The following HDAC9 variants were observed in gnomAD, a reference collection of about 807,000 sequenced individuals.
HDAC9 encodes MEF-2 interacting transcription repressor (MITR) protein.
HDAC9 carries 41 observed loss-of-function variants against 139.4 expected under a neutral mutation model. The ratio of observed to expected loss-of-function variants is 0.29; its 90% CI spans 0.23 to 0.38. The LOEUF (loss-of-function observed/expected upper bound fraction) is 0.38. Among genes scored for constraint, HDAC9 ranks in the 10% least tolerant of loss-of-function variants. The pLI is 1.00. For synonymous variants in HDAC9, 517 were observed against 476.2 expected (o/e 1.09, Z -1.12); for missense variants, 1,147 against 1,297.0 (o/e 0.88, Z 1.78).
intron 19 of HDAC9, among the ~76,000 whole-genome samples, chr7:18,830,140 T>C (rs1260739156): frequency 6.6e-6 from 1 of 152,224 alleles, no homozygotes; most frequent in Non-Finnish European, 1.5e-5. Context: ...AGAATTTGTC[T>C]AACAAATGGT....
intron 2 of HDAC9, among the ~76,000 whole-genome samples, chr7:18,280,877 A>G: frequency 6.6e-6 from 1 of 152,286 alleles, no homozygotes; most frequent in South Asian, 2.1e-4. Flanking sequence ...TTTAGGCATT[A>G]TTTATCATGA....
chr7:18,951,288 A>G (rs1782777588), intron 23 of HDAC9, among the ~76,000 whole-genome samples: 1 of 151,942 alleles, frequency 6.6e-6, no homozygotes, highest in African/African-American at 2.4e-5. Context: ...ATGCCAATAC[A>G]TTATCACAAC....
At chr7:18,972,151 T>G (rs1784278275) in intron 24 of HDAC9, among the ~76,000 whole-genome samples, 1 of 152,144 alleles carries the variant, frequency 6.6e-6, no homozygotes, top group South Asian at 2.1e-4. Flanking sequence ...CATAGCAAAT[T>G]TATTGTAACA....
At chr7:18,808,759 G>T (rs1188744749) in intron 17 of HDAC9, among the ~76,000 whole-genome samples, 1 of 151,680 alleles carries the variant, frequency 6.6e-6, no homozygotes, top group Non-Finnish European at 1.5e-5. Context: ...AAATTTCAAT[G>T]ACATTTTTCA....
At chr7:18,468,348 A>G (rs1489250665) in intron 1 of HDAC9, among the ~76,000 whole-genome samples, 4 of 152,060 alleles carry the variant, frequency 2.6e-5, no homozygotes, top group African/African-American at 9.7e-5. Flanking sequence ...GGACACATGG[A>G]TATTTATTTT....
chr7:18,940,423 A>C (rs1321752340), intron 23 of HDAC9, among the ~76,000 whole-genome samples: 4 of 152,152 alleles, frequency 2.6e-5, no homozygotes, highest in Non-Finnish European at 5.9e-5. Context: ...GACATACCAG[A>C]AGTCCATTTT....
At chr7:18,634,371 T>C (rs1475083486) in intron 7 of HDAC9, among the ~76,000 whole-genome samples, 1 of 151,464 alleles carries the variant, frequency 6.6e-6, no homozygotes, top group African/African-American at 2.4e-5. Flanking sequence ...CCTGTGACCC[T>C]CTCTAACTGG....
intron 1 of HDAC9, among the ~76,000 whole-genome samples, chr7:18,302,678 G>A (rs1042121695): frequency 6.6e-6 from 1 of 152,132 alleles, no homozygotes; most frequent in Non-Finnish European, 1.5e-5. Flanking sequence ...TCATCTAAAT[G>A]TCTAGTCTGT....
At chr7:18,636,400 T>C (rs1176708975) in intron 8 of HDAC9, among the ~76,000 whole-genome samples, 1 of 137,944 alleles carries the variant, frequency 7.2e-6, no homozygotes, top group Non-Finnish European at 1.6e-5. Flanking sequence ...GCCCAAATCA[T>C]ATAACCTCAA....
At chr7:18,946,155 C>T (rs1782390744) in intron 23 of HDAC9, among the ~76,000 whole-genome samples, 2 of 142,998 alleles carry the variant, frequency 1.4e-5, no homozygotes, top group African/African-American at 2.5e-5. Flanking sequence ...ACAGGTTTCT[C>T]TCTTTTTATG....
intron 1 of HDAC9, among the ~76,000 whole-genome samples, chr7:18,468,062 C>T (rs1794428983): frequency 6.6e-6 from 1 of 152,132 alleles, no homozygotes; most frequent in Non-Finnish European, 1.5e-5. Context: ...TCAAATGATG[C>T]AGAGGGTACA....
At chr7:18,850,081 T>TAAAAAAAAAAAAAAAA (rs11327408) in intron 21 of HDAC9, among the ~76,000 whole-genome samples, 7 of 82,304 alleles carry the variant, frequency 8.5e-5, no homozygotes, top group East Asian at 7.3e-4. Context: ...AAAGCCTGAG[T>TAAAAAAAAAAAAAAAA]AAAAAAAAAA....
chr7:18,591,376 T>G, intron 4 of HDAC9, 140 bp from the exon 5 acceptor site: 2 of 1,214,486 alleles, frequency 1.6e-6, no homozygotes, highest in Non-Finnish European at 2.1e-6. Flanking sequence ...AGGAAAACTT[T>G]ATGTGCTGTG....
chr7:18,547,857 T>TTCCTTCCTTCCTTCCCTCCCTCCC (rs1563229989), intron 2 of HDAC9, among the ~76,000 whole-genome samples: 6 of 118,456 alleles, frequency 5.1e-5, no homozygotes, highest in African/African-American at 2.4e-4. Context: ...CCTTCCTTCC[T>TTCCTTCCTTCCTTCCCTCCCTCCC]ACCCTCCCTC....
At chr7:18,757,275 T>G (rs910395330) in intron 14 of HDAC9, among the ~76,000 whole-genome samples, 5 of 152,176 alleles carry the variant, frequency 3.3e-5, no homozygotes, top group African/African-American at 9.7e-5. Context: ...TCCCTTTATT[T>G]AGAGACAATG....
At chr7:18,719,331 CTTTTTTTTTTTTTT>C (rs757689693) in intron 12 of HDAC9, among the ~76,000 whole-genome samples, 1 of 73,914 alleles carries the variant, frequency 1.4e-5, no homozygotes, top group African/African-American at 6.6e-5. Flanking sequence ...TTTTCTCTTC[CTTTTTTTTTTTTTT>C]TTTTTTTTTT....
chr7:18,174,240 C>T (rs1425227885), intron 2 of HDAC9, among the ~76,000 whole-genome samples: 2 of 152,134 alleles, frequency 1.3e-5, no homozygotes, highest in African/African-American at 2.4e-5. Context: ...TTGATCGAAT[C>T]GGCTATTGAA....
intron 24 of HDAC9, among the ~76,000 whole-genome samples, chr7:18,965,312 T>C (rs537385096): frequency 6.6e-6 from 1 of 152,348 alleles, no homozygotes; most frequent in African/African-American, 2.4e-5. Context: ...AAAGGTTGGT[T>C]TCTAATGCAA....
chr7:18,147,609 T>A (rs1236541322), intron 1 of HDAC9, among the ~76,000 whole-genome samples: 1 of 151,524 alleles, frequency 6.6e-6, no homozygotes, highest in Non-Finnish European at 1.5e-5. Context: ...CATTATATGT[T>A]TATGTTTTGT....
Sources: allele counts gnomAD v4.1 joint callset (sites outside exome capture counted in the v4.1 genomes callset), GRCh38; gene constraint gnomAD v4.1.1; transcripts MANE v1.5; gene names NCBI Gene and HGNC (gene_info 2026-07-23, HGNC 2026-07-21).